The following FBXW7 variants were observed in gnomAD, a reference collection of about 807,000 sequenced individuals.
The protein encoded by FBXW7 is F-box and WD repeat domain containing 7, also known as F-box/WD repeat-containing protein 7.
In FBXW7, 11 loss-of-function variants were observed where a neutral mutation model predicts 86.3. The ratio of observed to expected loss-of-function variants is 0.13; its 90% CI spans 0.08 to 0.21. FBXW7 has a LOEUF of 0.21. Among genes scored for constraint, FBXW7 ranks in the 10% least tolerant of loss-of-function variants. The pLI is 1.00. For synonymous variants in FBXW7, 313 were observed against 297.9 expected, an observed-to-expected ratio of 1.05 and a Z score of -0.52; for missense variants, 488 against 847.4, an observed-to-expected ratio of 0.58 and a Z score of 5.27.
At chr4:152,384,291 G>A (rs1171632309) in intron 4 of FBXW7, among the ~76,000 whole-genome samples, 1 of 152,036 alleles carries the variant, frequency 6.6e-6, no homozygotes, top group Non-Finnish European at 1.5e-5. Flanking sequence ...AAGTCTCAAT[G>A]AATGAATGAA....
intron 4 of FBXW7, among the ~76,000 whole-genome samples, chr4:152,361,254 C>G (rs1371886969): frequency 1.3e-5 from 2 of 152,020 alleles, no homozygotes; most frequent in Non-Finnish European, 2.9e-5. Flanking sequence ...TAGGGAAGAA[C>G]ATAGTAATCA....
intron 4 of FBXW7, among the ~76,000 whole-genome samples, chr4:152,367,674 A>AG (rs1733618905): frequency 6.6e-6 from 1 of 152,140 alleles, no homozygotes; most frequent in South Asian, 2.1e-4. Context: ...CCTCGACTTA[A>AG]TCTTCAACGT....
chr4:152,497,906 T>G (rs1047877714), intron 2 of FBXW7, among the ~76,000 whole-genome samples: 1 of 151,968 alleles, frequency 6.6e-6, no homozygotes, highest in Non-Finnish European at 1.5e-5. Flanking sequence ...TTACAATGAA[T>G]GAACTAAATC....
At chr4:152,479,234 A>G (rs956046992) in intron 2 of FBXW7, among the ~76,000 whole-genome samples, 3 of 152,144 alleles carry the variant, frequency 2.0e-5, no homozygotes, top group African/African-American at 7.2e-5. Flanking sequence ...CATAGACTAT[A>G]CTGAGTAGTG....
intron 4 of FBXW7, chr4:152,352,761 G>C (rs1340439931): frequency 3.1e-6 from 5 of 1,609,150 alleles, no homozygotes; most frequent in Non-Finnish European, 4.2e-6. Context: ...AGAAGAACTC[G>C]AGGGAATAAT....
At chr4:152,420,642 C>A (rs146092975) in intron 2 of FBXW7, among the ~76,000 whole-genome samples, 215 of 152,238 alleles carry the variant, frequency 1.4e-3, no homozygotes, top group African/African-American at 5.0e-3. Flanking sequence ...GTTTATCAAG[C>A]ATGAAAAAAT....
In FBXW7 at chr4:152,535,905, G is replaced by C. The variant is rs1353454897; in HGVS notation, c.-991C>G. 2.8e-6 allele frequency: 1 copy of C among 352,108 alleles called. No individual in the cohort carries two copies. The highest frequency in any genetic ancestry group is 5.1e-6 in the Non-Finnish European group (1 of 195,948). 21.8% of individuals were successfully genotyped at this position (352,108 alleles called of 1,614,324 possible). ...GTGAGGGGGGGAAAGGAGTGCGGCC[G>C]CGGCTCCCGCTGGCCCAGGTGAGAG... On this transcript the variant is annotated 5_prime_UTR_variant, in exon 1 of 14. Coordinates refer to ENST00000281708, the MANE Select transcript of FBXW7 (RefSeq NM_001349798.2).
intron 2 of FBXW7, among the ~76,000 whole-genome samples, chr4:152,465,215 C>T (rs1320662217): frequency 6.6e-6 from 1 of 151,716 alleles, no homozygotes; most frequent in East Asian, 1.9e-4. Flanking sequence ...TCTCTACTGA[C>T]ATCAAAACCT....
intron 2 of FBXW7, among the ~76,000 whole-genome samples, chr4:152,437,601 C>G (rs1224978900): frequency 6.6e-6 from 1 of 152,110 alleles, no homozygotes; most frequent in African/African-American, 2.4e-5. Flanking sequence ...GATAAACCAG[C>G]GGCAGGATTT....
chr4:152,324,425 G>A (rs1291856746), intron 12 of FBXW7, 31 bp from the exon 13 acceptor site: 2 of 1,499,314 alleles, frequency 1.3e-6, no homozygotes, highest in East Asian at 2.4e-5. Flanking sequence ...TAGAATAGAA[G>A]TATGGATACT....
At chr4:152,424,834 T>G (rs778870170) in intron 2 of FBXW7, among the ~76,000 whole-genome samples, 2 of 152,204 alleles carry the variant, frequency 1.3e-5, no homozygotes, top group African/African-American at 2.4e-5. Context: ...TCAAATGATA[T>G]GTACTCTAGG....
chr4:152,378,802 T>C lies in FBXW7; in HGVS notation c.502-28678A>G, dbSNP rs112522306. On this transcript the variant is annotated intron_variant, in intron 4 of 13. Transcript: ENST00000281708. The stretch of plus-strand genomic sequence containing the variant: ...CAGATAAAACATTTGAGTCCAGGAG[T>C]TCAAGACCAGCCTGGGCAACATGGT... Among the ~76,000 whole-genome samples, 782 of 151,894 alleles carry C rather than the reference T, an allele frequency of 5.1e-3. 9 individuals are homozygous for C. Among genetic ancestry groups the C allele is most frequent in the African/African-American group, 0.018 (753 of 41,400 alleles).
intron 2 of FBXW7, among the ~76,000 whole-genome samples, chr4:152,495,250 T>C (rs948132586): frequency 2.0e-5 from 3 of 152,012 alleles, no homozygotes; most frequent in African/African-American, 7.2e-5. Context: ...CTGTCCTACA[T>C]GGTGAAACCC....
intron 2 of FBXW7, among the ~76,000 whole-genome samples, chr4:152,434,568 C>T (rs1029348962): frequency 7.2e-5 from 11 of 152,158 alleles, no homozygotes; most frequent in African/African-American, 2.4e-4. Flanking sequence ...GAATGTTCCA[C>T]CACTATTTAC....
intron 6 of FBXW7, among the ~76,000 whole-genome samples, chr4:152,338,302 T>TG (rs1392227969): frequency 6.6e-6 from 1 of 152,038 alleles, no homozygotes; most frequent in African/African-American, 2.4e-5. Flanking sequence ...TTTGACAATT[T>TG]CTCTACATTC....
intron 2 of FBXW7, among the ~76,000 whole-genome samples, chr4:152,425,363 T>C (rs1311898028): frequency 6.6e-6 from 1 of 152,224 alleles, no homozygotes; most frequent in Non-Finnish European, 1.5e-5. Flanking sequence ...ATCCTAACTC[T>C]TAATTATTCC....
At chr4:152,382,245 T>A (rs1735145354) in intron 4 of FBXW7, 2 of 1,602,016 alleles carry the variant, frequency 1.2e-6, no homozygotes, top group Non-Finnish European at 1.7e-6. Context: ...AATATCTTCA[T>A]CACAGTTTGA....
chr4:152,452,982 G>C (rs972519240), intron 2 of FBXW7, among the ~76,000 whole-genome samples: 13 of 152,106 alleles, frequency 8.5e-5, no homozygotes, highest in African/African-American at 3.1e-4. Flanking sequence ...AGGAGTTTGA[G>C]ACCAGCCTGG....
At chr4:152,391,590 T>G (rs1392072885) in intron 4 of FBXW7, among the ~76,000 whole-genome samples, 1 of 152,130 alleles carries the variant, frequency 6.6e-6, no homozygotes, top group Non-Finnish European at 1.5e-5. Context: ...GCTATAGGGC[T>G]TAGAAAATAC....
Sources: allele counts gnomAD v4.1 joint callset (sites outside exome capture counted in the v4.1 genomes callset), GRCh38; gene constraint gnomAD v4.1.1; transcripts MANE v1.5; gene names NCBI Gene and HGNC (gene_info 2026-07-23, HGNC 2026-07-21).